Variants in GALNT13 observed in about 807,000 individuals in gnomAD.
GALNT13 encodes polypeptide N-acetylgalactosaminyltransferase 13, also known as UDP-GalNAc:polypeptide N-acetylgalactosaminyltransferase 13.
Under a neutral mutation model 64.2 loss-of-function variants are expected in GALNT13, and 28 were observed. The observed-to-expected ratio is 0.44, with a 90% CI of 0.32 to 0.60. The LOEUF is 0.60. Among genes scored for constraint, GALNT13 ranks in the 20% least tolerant of loss-of-function variants. GALNT13 has a pLI of 0.05. For missense variants in GALNT13, 577 were observed against 669.8 expected (o/e 0.86, Z 1.53); for synonymous variants, 214 against 224.6 (o/e 0.95, Z 0.42).
At chr2:153,780,644 A>G in the GALNT13 span, among the ~76,000 whole-genome samples, 3 of 152,278 alleles carry the variant, frequency 2.0e-5, no homozygotes, top group African/African-American at 7.2e-5. Flanking sequence ...CATTGCAGGT[A>G]TTACAAAATA....
rs1457667343 is a variant in GALNT13, at chr2:154,041,557, A to T, written c.142+96918A>T. Among the ~76,000 whole-genome samples the T allele has an allele frequency of 1.4e-5, 2 of 140,714 alleles. 1 individual carries two copies. The highest frequency in any genetic ancestry group is 3.3e-5 in the Non-Finnish European group (2 of 61,346). The allele number at this position is 140,714 out of a possible 152,430, so 92.3% of individuals were successfully genotyped here. The stretch of plus-strand genomic sequence containing the variant: ...AAGAAAAGAGGTGTGTCATCAATTA[A>T]TTTACATAAATTATCTAGCTGGCTT... On this transcript the variant is annotated intron_variant, in intron 3 of 12. Transcript: ENST00000392825.
the GALNT13 span, among the ~76,000 whole-genome samples, chr2:153,494,482 C>T: frequency 0.99 from 150,905 of 152,084 alleles, 74,877 homozygotes; most frequent in Middle Eastern, 1. Flanking sequence ...TGATTTTCAG[C>T]AAGTACCCCA....
chr2:153,255,354 T>C, the GALNT13 span, among the ~76,000 whole-genome samples: 37 of 138,944 alleles, frequency 2.7e-4, no homozygotes, highest in East Asian at 6.8e-3. Flanking sequence ...ATTTTGAGCC[T>C]ATGTGTGTCT....
At chr2:153,569,410 G>GTAACAAA in the GALNT13 span, among the ~76,000 whole-genome samples, 1 of 151,210 alleles carries the variant, frequency 6.6e-6, no homozygotes, top group Non-Finnish European at 1.5e-5. Context: ...TTTGTTTCTT[G>GTAACAAA]TTTTGTAAAA....
chr2:153,821,502 A>T, the GALNT13 span, among the ~76,000 whole-genome samples: 1 of 152,208 alleles, frequency 6.6e-6, no homozygotes, highest in African/African-American at 2.4e-5. Flanking sequence ...GGTAAGCAAA[A>T]AAATTAAGGC....
chr2:153,618,114 G>T, the GALNT13 span, among the ~76,000 whole-genome samples: 1 of 151,584 alleles, frequency 6.6e-6, no homozygotes, highest in Non-Finnish European at 1.5e-5. Context: ...ATATATTGTT[G>T]ATTGTTTATT....
the GALNT13 span, among the ~76,000 whole-genome samples, chr2:153,140,007 C>T: frequency 6.6e-6 from 1 of 151,922 alleles, no homozygotes. Flanking sequence ...CTTCTTTATT[C>T]TCCCACCAGC....
At chr2:154,285,218 T>G (rs775939654) in intron 8 of GALNT13, among the ~76,000 whole-genome samples, 1 of 152,214 alleles carries the variant, frequency 6.6e-6, no homozygotes, top group African/African-American at 2.4e-5. Context: ...GCTTTTTAGT[T>G]TGACACAATT....
At chr2:153,573,814 T>C in the GALNT13 span, among the ~76,000 whole-genome samples, 1 of 152,124 alleles carries the variant, frequency 6.6e-6, no homozygotes, top group Non-Finnish European at 1.5e-5. Context: ...AAAGTCATTG[T>C]AGTTATTATT....
the GALNT13 span, among the ~76,000 whole-genome samples, chr2:153,653,579 A>G: frequency 1.3e-5 from 2 of 152,164 alleles, no homozygotes; most frequent in Non-Finnish European, 2.9e-5. Flanking sequence ...CCAAATTGCA[A>G]TTGGTTTCCA....
chr2:153,867,276 T>C (rs1055172628), upstream of GALNT13, among the ~76,000 whole-genome samples: 1 of 152,190 alleles, frequency 6.6e-6, no homozygotes, highest in African/African-American at 2.4e-5. Context: ...TCAAGTTTCT[T>C]ATGATCCAGG....
chr2:153,798,700 G>C, the GALNT13 span, among the ~76,000 whole-genome samples: 1 of 152,110 alleles, frequency 6.6e-6, no homozygotes, highest in East Asian at 1.9e-4. Flanking sequence ...GTTGTATACG[G>C]AGAAATTATT....
At chr2:153,612,212 GA>G in the GALNT13 span, among the ~76,000 whole-genome samples, 1 of 152,144 alleles carries the variant, frequency 6.6e-6, no homozygotes, top group African/African-American at 2.4e-5. Flanking sequence ...AGCATGTGGA[GA>G]AATAGGAATG....
chr2:153,442,337 A>G, the GALNT13 span, among the ~76,000 whole-genome samples: 3 of 152,258 alleles, frequency 2.0e-5, no homozygotes, highest in Middle Eastern at 3.4e-3. Flanking sequence ...GTGCTGCTAG[A>G]TTTGGTTTGC....
intron 3 of GALNT13, among the ~76,000 whole-genome samples, chr2:154,003,267 G>GC (rs1696032628): frequency 6.6e-6 from 1 of 152,062 alleles, no homozygotes; most frequent in Admixed American, 6.5e-5. Context: ...AATCAGTTTG[G>GC]CCCCCCATGA....
intron 9 of GALNT13, among the ~76,000 whole-genome samples, chr2:154,342,029 G>A (rs1278053131): frequency 6.6e-6 from 1 of 152,034 alleles, no homozygotes; most frequent in Non-Finnish European, 1.5e-5. Context: ...GAAAGACTTG[G>A]GGAGGAGACT....
the GALNT13 span, among the ~76,000 whole-genome samples, chr2:153,582,160 A>G: frequency 3.9e-5 from 6 of 152,156 alleles, no homozygotes; most frequent in East Asian, 1.2e-3. Context: ...TACTGATTTC[A>G]TAGCATGTTT....
the GALNT13 span, among the ~76,000 whole-genome samples, chr2:153,288,439 G>A: frequency 6.6e-6 from 1 of 152,184 alleles, no homozygotes; most frequent in East Asian, 1.9e-4. Flanking sequence ...CAATTTATAA[G>A]TTTTAAATTG....
intron 9 of GALNT13, among the ~76,000 whole-genome samples, chr2:154,385,346 T>C (rs1698460026): frequency 6.6e-6 from 1 of 151,982 alleles, no homozygotes; most frequent in African/African-American, 2.4e-5. Context: ...AGGGAGAATT[T>C]GCAACGTGAG....
Sources: allele counts gnomAD v4.1 joint callset (sites outside exome capture counted in the v4.1 genomes callset), GRCh38; gene constraint gnomAD v4.1.1; transcripts MANE v1.5; gene names NCBI Gene and HGNC (gene_info 2026-07-23, HGNC 2026-07-21).